NRXN1: variants seen among roughly 807,000 people sequenced by gnomAD.
The protein encoded by NRXN1 is neurexin 1, also known as neurexin-1.
A neutral mutation model predicts 150.9 loss-of-function variants in NRXN1; 39 were observed. The observed-to-expected ratio is 0.26, with a 90% CI of 0.20 to 0.34. NRXN1 has a LOEUF of 0.34. Among genes scored for constraint, NRXN1 ranks in the 10% least tolerant of loss-of-function variants. The pLI is 1.00. For synonymous variants in NRXN1, 924 were observed against 757.0 expected (o/e 1.22, Z -3.62); for missense variants, 1,815 against 1,949.9 (o/e 0.93, Z 1.30).
chr2:50,252,258 C>CTTTTTTTTTTTTTT lies in NRXN1; in HGVS notation c.3365-15302_3365-15289dup, dbSNP rs143522284. Among the ~76,000 whole-genome samples, 20 of 69,726 alleles carry CTTTTTTTTTTTTTT rather than the reference C, an allele frequency of 2.9e-4. 1 individual carries two copies. The highest frequency in any genetic ancestry group is 9.6e-4 in the African/African-American group (16 of 16,610). 45.7% of individuals were successfully genotyped at this position (69,726 alleles called of 152,430 possible). A position where few individuals can be genotyped will look rare whatever the true frequency, so the allele number is the denominator to read the frequency against. On this transcript the variant is annotated intron_variant, in intron 17 of 22. Transcript: ENST00000401669. The stretch of plus-strand genomic sequence containing the variant: ...CTTTTTTTTTTTTCTTTTTTCTTTT[C>CTTTTTTTTTTTTTT]TTTTTTTTTTTTTTTTTTTGAGACA...
chr2:50,261,669 A>C (rs908419312), intron 17 of NRXN1, among the ~76,000 whole-genome samples: 1 of 151,898 alleles, frequency 6.6e-6, no homozygotes, highest in East Asian at 1.9e-4. Flanking sequence ...GATTCCTTTA[A>C]TTTTGAAAGA....
At chr2:50,216,496 C>CTTT (rs1254181242) in intron 18 of NRXN1, among the ~76,000 whole-genome samples, 2 of 151,940 alleles carry the variant, frequency 1.3e-5, no homozygotes, top group African/African-American at 4.8e-5. Context: ...TTATTACTTC[C>CTTT]TTTGAACCAC....
intron 10 of NRXN1, among the ~76,000 whole-genome samples, chr2:50,534,704 A>T (rs771848824): frequency 1.3e-5 from 2 of 152,210 alleles, no homozygotes; most frequent in Non-Finnish European, 2.9e-5. Flanking sequence ...TTGGTTTCAT[A>T]TAGATAAAAG....
intron 18 of NRXN1, among the ~76,000 whole-genome samples, chr2:50,157,022 T>G (rs540898582): frequency 6.6e-6 from 1 of 152,132 alleles, no homozygotes; most frequent in South Asian, 2.1e-4. Context: ...AGTTAAACCA[T>G]TTAACCATCT....
chr2:50,646,469 A>G (rs2104519953), intron 5 of NRXN1, among the ~76,000 whole-genome samples: 1 of 152,130 alleles, frequency 6.6e-6, no homozygotes, highest in East Asian at 1.9e-4. Flanking sequence ...AAAATTCTTT[A>G]GATAGCTTTC....
At chr2:50,778,068 C>T (rs915652518) in intron 5 of NRXN1, among the ~76,000 whole-genome samples, 5 of 152,084 alleles carry the variant, frequency 3.3e-5, no homozygotes, top group African/African-American at 1.2e-4. Flanking sequence ...CCTCCTCCCC[C>T]CCTTTTTTCT....
intron 5 of NRXN1, among the ~76,000 whole-genome samples, chr2:50,910,376 A>C (rs528928558): frequency 2.6e-5 from 4 of 151,998 alleles, no homozygotes; most frequent in Non-Finnish European, 5.9e-5. Context: ...CCCATAGCTA[A>C]AAGAGATTTT....
chr2:50,987,827 C>T lies in NRXN1; in HGVS notation c.772+39675G>A, dbSNP rs144538134. ...AGCTATTCACACCAGAGACCACTAA[C>T]CCCCATTGGTCCCTGTCCAGTTTGT... On this transcript the variant is annotated intron_variant, in intron 2 of 22. Coordinates refer to ENST00000401669, the MANE Select transcript of NRXN1 (RefSeq NM_001330078.2). Among the ~76,000 whole-genome samples, 269 of 152,054 alleles carry T rather than the reference C, an allele frequency of 1.8e-3. 1 individual carries two copies. The highest frequency in any genetic ancestry group is 3.0e-3 in the Non-Finnish European group (202 of 67,920).
intron 5 of NRXN1, among the ~76,000 whole-genome samples, chr2:50,775,257 G>C (rs1254909842): frequency 6.6e-6 from 1 of 152,068 alleles, no homozygotes; most frequent in East Asian, 1.9e-4. Context: ...AACAGTAGCA[G>C]ACAGAATTGT....
chr2:50,519,223 AATT>A (rs1344962923), intron 12 of NRXN1, among the ~76,000 whole-genome samples: 1 of 151,928 alleles, frequency 6.6e-6, no homozygotes, highest in Non-Finnish European at 1.5e-5. Context: ...GCAATGATAT[AATT>A]ATTAGCTAAA....
chr2:50,473,595 A>C (rs1223435105), intron 15 of NRXN1, among the ~76,000 whole-genome samples: 1 of 151,960 alleles, frequency 6.6e-6, no homozygotes, highest in Non-Finnish European at 1.5e-5. Flanking sequence ...TTTTCATTTG[A>C]ACTTTCTTTC....
intron 2 of NRXN1, 128 bp from the exon 3 acceptor site, chr2:50,926,083 T>G (rs1686832616): frequency 1.4e-6 from 1 of 736,954 alleles, no homozygotes; most frequent in South Asian, 1.5e-5. Context: ...GCTCCATCAC[T>G]ATCATTCAAG....
chr2:50,672,691 G>A (rs1689030536), intron 5 of NRXN1, among the ~76,000 whole-genome samples: 1 of 151,960 alleles, frequency 6.6e-6, no homozygotes, highest in Admixed American at 6.6e-5. Flanking sequence ...ATGTTCAGTT[G>A]AATTTCCCAG....
At chr2:50,656,499 C>A in intron 5 of NRXN1, 2 of 658,534 alleles carry the variant, frequency 3.0e-6, no homozygotes, top group South Asian at 1.8e-5. Flanking sequence ...CAACTGAGGT[C>A]TGGGGGTGAA....
At chr2:50,873,172 A>G (rs182348616) in intron 5 of NRXN1, among the ~76,000 whole-genome samples, 3 of 151,990 alleles carry the variant, frequency 2.0e-5, no homozygotes, top group South Asian at 4.1e-4. Context: ...AGTAACCATA[A>G]TATCTAGCCC....
rs1157543080 is a variant in NRXN1 at position 50,347,136 on chromosome 2, C to G, written c.3365-110166G>C. The G allele has an allele frequency of 1.4e-6, 2 of 1,382,912 alleles. No individual in the cohort carries two copies. Among genetic ancestry groups the G allele is most frequent in the Non-Finnish European group, 1.9e-6 (2 of 1,050,692 alleles). The allele number at this position is 1,382,912 out of a possible 1,614,324, so 85.7% of individuals were successfully genotyped here. ...GGGTCCTGGAGTCCGCCGTGCCTAG[C>G]ACCCCAAACAATCCGAAACATAGCC... On this transcript the variant is annotated intron_variant, in intron 17 of 22. Transcript: ENST00000401669. This position sits in a 1 kb window ranked among gnomAD's most constrained non-coding sequence, Gnocchi z 4.9.
intron 18 of NRXN1, among the ~76,000 whole-genome samples, chr2:50,106,029 T>C (rs193291845): frequency 6.6e-6 from 1 of 152,100 alleles, no homozygotes; most frequent in African/African-American, 2.4e-5. Context: ...TGATTAGAAA[T>C]GTTAATGTTA....
chr2:50,844,691 C>A (rs959616667), intron 5 of NRXN1, among the ~76,000 whole-genome samples: 2 of 152,118 alleles, frequency 1.3e-5, no homozygotes, highest in East Asian at 3.9e-4. Context: ...CAGACGCCAC[C>A]CAGGTTTTCC....
intron 18 of NRXN1, among the ~76,000 whole-genome samples, chr2:50,147,304 G>T (rs918795330): frequency 6.6e-6 from 1 of 151,692 alleles, no homozygotes; most frequent in Non-Finnish European, 1.5e-5. Context: ...TAGGAGAGAA[G>T]GCATATGCAT....
Sources: allele counts gnomAD v4.1 joint callset (sites outside exome capture counted in the v4.1 genomes callset), GRCh38; gene constraint gnomAD v4.1.1; non-coding constraint Gnocchi (gnomAD v3.1); transcripts MANE v1.5; gene names NCBI Gene and HGNC (gene_info 2026-07-23, HGNC 2026-07-21).